Variants in LBP observed in about 807,000 individuals in gnomAD.
The protein encoded by LBP is lipopolysaccharide binding protein, also known as lipopolysaccharide-binding protein.
In LBP, 53 loss-of-function variants were observed where a neutral mutation model predicts 56.6. That is an observed-to-expected ratio of 0.94 (90% confidence interval 0.75 to 1.18). The LOEUF (loss-of-function observed/expected upper bound fraction) is 1.18. LBP is among the 50% of genes most tolerant of loss of function. LBP has a pLI of 0.00. For synonymous variants in LBP, 227 were observed against 247.5 expected, an observed-to-expected ratio of 0.92 and a Z score of 0.78; for missense variants, 601 against 598.3, an observed-to-expected ratio of 1.00 and a Z score of -0.05.
intron 5 of LBP, among the ~76,000 whole-genome samples, chr20:38,357,972 G>A (rs1233409016): frequency 6.6e-6 from 1 of 152,194 alleles, no homozygotes; most frequent in Non-Finnish European, 1.5e-5. Context: ...TCGCCATCTT[G>A]GTTTTGATTG....
intron 13 of LBP, 106 bp from the exon 14 acceptor site, chr20:38,373,831 G>C: frequency 1.1e-6 from 1 of 938,896 alleles, no homozygotes; most frequent in South Asian, 1.4e-5. Flanking sequence ...ATCACTAAAT[G>C]GGAATATACT....
chr20:38,353,029 G>T (rs1413156686), intron 3 of LBP, among the ~76,000 whole-genome samples: 1 of 151,974 alleles, frequency 6.6e-6, no homozygotes, highest in East Asian at 1.9e-4. Flanking sequence ...ATGCACATTT[G>T]TTCTAGTTCC....
chr20:38,346,529 G>C lies in LBP; in HGVS notation c.13G>C (p.Ala5Pro). 1 of 1,613,480 alleles carries C rather than the reference G, an allele frequency of 6.2e-7. No homozygotes were observed. MGAL[A>P]RALPSILLAL... ...CTGGGAATCTAGGATGGGGGCCTTG[G>C]CCAGAGCCCTGCCGTCCATACTGCT... is the stretch of plus-strand genomic sequence containing the variant. Residue 5 changes from alanine (A) to proline (P), a missense_variant, in exon 1 of 15, where the codon GCC becomes CCC. By Grantham distance (27) the Ala-to-Pro change is conservative. Coordinates refer to ENST00000217407, the MANE Select transcript of LBP (RefSeq NM_004139.5).
chr20:38,348,407 G>A (rs932214527), intron 1 of LBP, among the ~76,000 whole-genome samples: 15 of 151,810 alleles, frequency 9.9e-5, no homozygotes, highest in Admixed American at 9.9e-4. Flanking sequence ...CCGACTCCCT[G>A]GTTCAAGTGA....
rs997114519 is a variant in LBP at position 38,369,505 on chromosome 20, T to G, written c.1149+343T>G. Among the ~76,000 whole-genome samples, 9 of 152,120 alleles carry G rather than the reference T, an allele frequency of 5.9e-5. No individual in the cohort carries two copies. In the East Asian group the frequency reaches 1.7e-3, roughly 29 times the overall value. On this transcript the variant is annotated intron_variant, in intron 10 of 14. Transcript: ENST00000217407. ...ATACTGGTGTTTGTCTATTTGTCTA[T>G]TTTGACCTTGGAAGACTACATTTCC...
At chr20:38,370,960 T>A (rs917856421) in intron 11 of LBP, among the ~76,000 whole-genome samples, 155 bp downstream of exon 11, 1 of 152,238 alleles carries the variant, frequency 6.6e-6, no homozygotes, top group Non-Finnish European at 1.5e-5. Context: ...CCACTGGTCC[T>A]GCCCCCACAA....
chr20:38,350,748 G>A, intron 2 of LBP, 63 bp from the exon 3 acceptor site: 1 of 1,545,110 alleles, frequency 6.5e-7, no homozygotes, highest in Admixed American at 1.8e-5. Flanking sequence ...GGAGGCGCAA[G>A]GTCCCTGGTG....
At chr20:38,370,103 G>A (rs2076895969) in intron 10 of LBP, among the ~76,000 whole-genome samples, 1 of 152,022 alleles carries the variant, frequency 6.6e-6, no homozygotes, top group Non-Finnish European at 1.5e-5. Context: ...TCTGGGTGTG[G>A]TGGCTCACAT....
chr20:38,353,032 C>G (rs1047955185), intron 3 of LBP, among the ~76,000 whole-genome samples: 5 of 152,102 alleles, frequency 3.3e-5, no homozygotes, highest in Non-Finnish European at 7.4e-5. Context: ...CACATTTGTT[C>G]TAGTTCCATG....
At position 38,350,923 on chromosome 20, in the gene LBP, G is replaced by T. The variant is rs1299337592; in HGVS notation, c.352G>T (p.Val118Leu). 9 of 1,613,768 alleles carry T rather than the reference G, an allele frequency of 5.6e-6. No individual in the cohort carries two copies. Among genetic ancestry groups the T allele is most frequent in the Non-Finnish European group, 7.6e-6 (9 of 1,179,860 alleles). Residue 118 changes from valine to leucine, a missense_variant, in exon 3 of 15, where the codon GTG becomes TTG. By Grantham distance (32) the Val-to-Leu change is conservative (BLOSUM62 1). Coordinates refer to ENST00000217407, the MANE Select transcript of LBP (RefSeq NM_004139.5). ...CATCCGGGTCCAGGGCAGGTGGAAG[G>T]TGCGCAAGTCATTCTTGTAAGTTGG... ...SSIRVQGRWKVRKSFFKLQGS... is the reference protein window; with the variant it reads ...SSIRVQGRWKLRKSFFKLQGS...
chr20:38,349,327 TA>T (rs2076812211), intron 1 of LBP, among the ~76,000 whole-genome samples: 1 of 152,200 alleles, frequency 6.6e-6, no homozygotes, highest in South Asian at 2.1e-4. Flanking sequence ...TCCTCATCAG[TA>T]AAATGGGCAT....
intron 3 of LBP, among the ~76,000 whole-genome samples, chr20:38,352,934 T>G (rs1227470036): frequency 6.6e-6 from 1 of 152,160 alleles, no homozygotes; most frequent in Non-Finnish European, 1.5e-5. Context: ...ATCTTTTTAA[T>G]GTATCTTCTG....
chr20:38,358,001 CCG>C (rs1288027537), intron 5 of LBP, among the ~76,000 whole-genome samples: 1 of 152,196 alleles, frequency 6.6e-6, no homozygotes, highest in African/African-American at 2.4e-5. Flanking sequence ...AGCTTCTTTA[CCG>C]CATCCTGTTT....
chr20:38,368,164 G>A (rs913109623), intron 9 of LBP, among the ~76,000 whole-genome samples: 4 of 152,040 alleles, frequency 2.6e-5, no homozygotes, highest in African/African-American at 4.8e-5. Context: ...GTCATATTTC[G>A]AAAACACTGG....
In LBP at chr20:38,366,751, C is replaced by T; in HGVS notation, c.922-18C>T. ...CAGCGGGAGCACCCTAAAACTTCTT[C>T]ATGTCTCTTTGCTGCAGATACCGCC... On this transcript the variant is annotated intron_variant, in intron 8 of 14. Transcript: ENST00000217407. 1 of 1,613,628 alleles carries T rather than the reference C, an allele frequency of 6.2e-7. No individual in the cohort carries two copies. Among genetic ancestry groups the T allele is most frequent in the Non-Finnish European group, 8.5e-7 (1 of 1,179,684 alleles).
At chr20:38,348,375 C>T (rs1241457853) in intron 1 of LBP, among the ~76,000 whole-genome samples, 41 of 151,488 alleles carry the variant, frequency 2.7e-4, no homozygotes, top group African/African-American at 9.5e-4. Flanking sequence ...TGCAATGGCA[C>T]AATCTCAGCT....
intron 6 of LBP, among the ~76,000 whole-genome samples, 175 bp downstream of exon 6, chr20:38,360,942 C>A (rs1277165229): frequency 6.6e-6 from 1 of 152,158 alleles, no homozygotes; most frequent in Non-Finnish European, 1.5e-5. Context: ...GCGGGTGGAT[C>A]ACCTGAGGTC....
In LBP at chr20:38,354,450, A is replaced by G; in HGVS notation, c.524+11A>G. On this transcript the variant is annotated intron_variant, in intron 4 of 14. Coordinates refer to ENST00000217407, the MANE Select transcript of LBP (RefSeq NM_004139.5). ...GTCGGGAGACTTGGGGTAGGTCTCC[A>G]TCGGGGCACTGCCAGCTGGACTCCT... 1 of 1,602,660 alleles carries G rather than the reference A, an allele frequency of 6.2e-7. No individual in the cohort carries two copies. Among genetic ancestry groups the G allele is most frequent in the Non-Finnish European group, 8.5e-7 (1 of 1,173,530 alleles).
rs6127809 is a variant in LBP, at chr20:38,348,792, T to A, written c.125-756T>A. ...AGTTTAGTTTAGTTTAGTTTAGTTT[T>A]GTTTTGTTTTGTTTTGTTTGAGACA... On this transcript the variant is annotated intron_variant, in intron 1 of 14. Coordinates refer to ENST00000217407, the MANE Select transcript of LBP (RefSeq NM_004139.5). Among the ~76,000 whole-genome samples, 401 of 41,590 alleles carry A rather than the reference T, an allele frequency of 9.6e-3. 1 individual carries two copies. Among genetic ancestry groups the A allele is most frequent in the Middle Eastern group, 0.047 (3 of 64 alleles). The allele number at this position is 41,590 out of a possible 152,430, so 27.3% of individuals were successfully genotyped here. A position where few individuals can be genotyped will look rare whatever the true frequency, so the allele number is the denominator to read the frequency against.
Sources: gnomAD v4.1 joint callset for allele counts (sites outside exome capture counted in the v4.1 genomes callset) on GRCh38, gnomAD v4.1.1 for gene constraint, MANE v1.5 for transcripts, NCBI Gene and HGNC (gene_info 2026-07-23, HGNC 2026-07-21) for gene names.